The following DENND1B variants were observed in gnomAD, a reference collection of about 807,000 sequenced individuals.
The protein encoded by DENND1B is DENN domain-containing protein 1B.
A neutral mutation model predicts 90.1 loss-of-function variants in DENND1B; 59 were observed. The observed-to-expected ratio is 0.65, with a 90% CI of 0.53 to 0.81. The LOEUF is 0.81. Ranked by LOEUF, DENND1B falls within the 40% of genes least tolerant of loss-of-function variation. The pLI, the probability that DENND1B is intolerant of heterozygous loss-of-function variation, is 0.00. For missense variants in DENND1B, 862 were observed against 912.6 expected (o/e 0.94, Z 0.71); for synonymous variants, 337 against 324.6 (o/e 1.04, Z -0.41).
At chr1:197,583,328 G>T in intron 14 of DENND1B, 75 bp from the exon 15 acceptor site, 2 of 1,350,388 alleles carry the variant, frequency 1.5e-6, no homozygotes, top group Non-Finnish European at 2.1e-6. Context: ...AAATAGGTAT[G>T]TGAAGAGTGA....
At chr1:197,757,944 A>T (rs1345159281) in intron 2 of DENND1B, among the ~76,000 whole-genome samples, 1 of 152,228 alleles carries the variant, frequency 6.6e-6, no homozygotes, top group Non-Finnish European at 1.5e-5. Context: ...CAAGGATATA[A>T]GCCCAGTGTT....
intron 16 of DENND1B, among the ~76,000 whole-genome samples, chr1:197,548,427 A>C (rs1374412272): frequency 6.6e-6 from 1 of 152,200 alleles, no homozygotes; most frequent in African/African-American, 2.4e-5. Flanking sequence ...TCAAATAAGC[A>C]TAATAGTCAT....
chr1:197,605,571 G>A (rs969547395), intron 13 of DENND1B: 2 of 150,996 alleles, frequency 1.3e-5, no homozygotes, highest in African/African-American at 4.8e-5. Context: ...ATTCTTAAAA[G>A]TTGGGATTCT....
At chr1:197,566,797 T>C (rs1048649711) in intron 15 of DENND1B, among the ~76,000 whole-genome samples, 3 of 143,280 alleles carry the variant, frequency 2.1e-5, no homozygotes, top group Non-Finnish European at 4.6e-5. Context: ...GTATGAGAGG[T>C]AAAAAAAAAA....
At chr1:197,721,344 C>G (rs1478238403) in intron 2 of DENND1B, among the ~76,000 whole-genome samples, 1 of 152,092 alleles carries the variant, frequency 6.6e-6, no homozygotes, top group Admixed American at 6.6e-5. Context: ...GCTGGGATTA[C>G]AGGCTTGAGC....
chr1:197,780,637 C>T (rs1030785827), upstream of DENND1B, among the ~76,000 whole-genome samples: 4 of 152,016 alleles, frequency 2.6e-5, no homozygotes, highest in African/African-American at 4.8e-5. Flanking sequence ...TTATTTGTCC[C>T]CCATCCTCCA....
At chr1:197,609,313 C>T (rs917288925) in intron 12 of DENND1B, among the ~76,000 whole-genome samples, 4 of 150,594 alleles carry the variant, frequency 2.7e-5, no homozygotes. Context: ...GGTACTTTTG[C>T]ACATTAATAC....
At chr1:197,603,333 G>A (rs561420183) in intron 13 of DENND1B, among the ~76,000 whole-genome samples, 1 of 151,126 alleles carries the variant, frequency 6.6e-6, no homozygotes, top group Non-Finnish European at 1.5e-5. Context: ...TTATATGAAA[G>A]GGACCATGGT....
chr1:197,544,891 A>G (rs1260524314), intron 18 of DENND1B, among the ~76,000 whole-genome samples: 3 of 18,742 alleles, frequency 1.6e-4, no homozygotes, highest in Non-Finnish European at 3.9e-4. Context: ...AGGAAGAGGA[A>G]GAAGAAGAAG....
intron 13 of DENND1B, among the ~76,000 whole-genome samples, chr1:197,603,111 T>C (rs1676353832): frequency 2.6e-5 from 4 of 151,430 alleles, no homozygotes. Flanking sequence ...CTCTTAAGTG[T>C]ACCATATTTT....
intron 1 of DENND1B, 140 bp downstream of exon 1, chr1:197,774,999 G>A: frequency 9.1e-6 from 4 of 441,796 alleles, no homozygotes; most frequent in Non-Finnish European, 1.4e-5. Flanking sequence ...CTTGGGGGCC[G>A]GACCGCACCC....
intron 2 of DENND1B, 60 bp downstream of exon 2, chr1:197,772,808 T>C: frequency 1.3e-5 from 18 of 1,414,822 alleles, no homozygotes; most frequent in Non-Finnish European, 1.6e-5. Context: ...AGGAACAGAA[T>C]GAGATCTTGT....
At chr1:197,580,908 T>C (rs1674177973) in intron 15 of DENND1B, among the ~76,000 whole-genome samples, 1 of 152,180 alleles carries the variant, frequency 6.6e-6, no homozygotes, top group African/African-American at 2.4e-5. Flanking sequence ...CGTTTTAAAT[T>C]GTAGTATGTA....
chr1:197,665,468 T>C (rs1231541686), intron 5 of DENND1B, among the ~76,000 whole-genome samples: 1 of 152,166 alleles, frequency 6.6e-6, no homozygotes, highest in Non-Finnish European at 1.5e-5. Flanking sequence ...TACATGTCAC[T>C]AAGCAGACCA....
chr1:197,598,553 G>C (rs943951024), intron 13 of DENND1B, among the ~76,000 whole-genome samples: 1 of 151,694 alleles, frequency 6.6e-6, no homozygotes, highest in Non-Finnish European at 1.5e-5. Context: ...CCTGGTCTAG[G>C]AAAGAGCATT....
intron 14 of DENND1B, among the ~76,000 whole-genome samples, chr1:197,591,771 T>C (rs1422706819): frequency 1.3e-5 from 2 of 152,160 alleles, no homozygotes; most frequent in South Asian, 2.1e-4. Flanking sequence ...ATGCCTTTCA[T>C]GTATCTTCAT....
At chr1:197,616,198 A>G (rs1037759708) in intron 11 of DENND1B, among the ~76,000 whole-genome samples, 1 of 150,946 alleles carries the variant, frequency 6.6e-6, no homozygotes, top group Admixed American at 6.6e-5. Flanking sequence ...ATATATCAAT[A>G]TATTTCCAAA....
chr1:197,721,182 G>A (rs1354933919), intron 2 of DENND1B, among the ~76,000 whole-genome samples: 1 of 147,278 alleles, frequency 6.8e-6, no homozygotes, highest in African/African-American at 2.5e-5. Flanking sequence ...CCATTCTCCT[G>A]CCTCAGTCTC....
intron 14 of DENND1B, among the ~76,000 whole-genome samples, chr1:197,590,460 G>T (rs1675097814): frequency 6.6e-6 from 1 of 151,940 alleles, no homozygotes; most frequent in Non-Finnish European, 1.5e-5. Context: ...CCAAAAAAAA[G>T]AGTAAAATAT....
Sources: gnomAD v4.1 joint callset for allele counts (sites outside exome capture counted in the v4.1 genomes callset) on GRCh38, gnomAD v4.1.1 for gene constraint, MANE v1.5 for transcripts, NCBI Gene and HGNC (gene_info 2026-07-23, HGNC 2026-07-21) for gene names.